Variants in KLF8 observed in about 807,000 individuals in gnomAD.
KLF8 encodes KLF transcription factor 8.
In KLF8, 10 loss-of-function variants were observed where a neutral mutation model predicts 18.2. That is an observed-to-expected ratio of 0.55 (90% CI 0.34 to 0.93). The LOEUF (loss-of-function observed/expected upper bound fraction) is 0.93, where lower values mean the gene tolerates loss of function less well. Ranked by LOEUF, KLF8 falls within the 40% of genes least tolerant of loss-of-function variation. KLF8 has a pLI of 0.02. For synonymous variants in KLF8, 109 were observed against 97.3 expected (o/e 1.12, Z -0.71); for missense variants, 264 against 277.9 (o/e 0.95, Z 0.36).
chrX:56,277,510 C>G lies in KLF8; in HGVS notation c.899-6803C>G, dbSNP rs955258347. On this transcript the variant is annotated intron_variant, in intron 5 of 5. Coordinates refer to ENST00000468660, the MANE Select transcript of KLF8 (RefSeq NM_007250.5). ...TTTTACTTTATCCCAGACAAACAGT[C>G]TCTCTCTCTGTTCTGAGCCACCTAG... Among the ~76,000 whole-genome samples, 9 of 112,176 alleles carry G rather than the reference C, an allele frequency of 8.0e-5. No individual in the cohort carries two copies. In the Admixed American group the frequency reaches 8.5e-4, roughly 11 times the overall value.
At chrX:56,175,228 G>T in the KLF8 span, among the ~76,000 whole-genome samples, 1 of 111,658 alleles carries the variant, frequency 9.0e-6, no homozygotes, top group Non-Finnish European at 1.9e-5. Flanking sequence ...TCTCTTGTGG[G>T]CATTTAGTGC....
At chrX:56,053,559 G>C in the KLF8 span, among the ~76,000 whole-genome samples, 1 of 29,148 alleles carries the variant, frequency 3.4e-5, no homozygotes, top group East Asian at 2.0e-3. Context: ...TTTTTTTTTG[G>C]GGAATAGTTT....
the KLF8 span, among the ~76,000 whole-genome samples, chrX:56,031,736 G>A: frequency 2.7e-5 from 3 of 111,241 alleles, no homozygotes; most frequent in South Asian, 3.8e-4. Flanking sequence ...GACGAGCTGC[G>A]GACAAAACCC....
the KLF8 span, among the ~76,000 whole-genome samples, chrX:56,076,396 T>A: frequency 1.9e-5 from 2 of 106,599 alleles, no homozygotes; most frequent in Admixed American, 2.0e-4. Flanking sequence ...CGGTGTTTGA[T>A]TTTTTGTTCT....
At chrX:56,144,819 G>T in the KLF8 span, among the ~76,000 whole-genome samples, 3 of 106,653 alleles carry the variant, frequency 2.8e-5, no homozygotes, top group Admixed American at 3.0e-4. Context: ...TTGAGATGGA[G>T]TCTCGCTCTG....
At chrX:56,154,690 T>G in the KLF8 span, among the ~76,000 whole-genome samples, 1 of 111,342 alleles carries the variant, frequency 9.0e-6, no homozygotes, top group African/African-American at 3.3e-5. Flanking sequence ...GGAGAAAAAT[T>G]TTGCGATGTT....
the KLF8 span, among the ~76,000 whole-genome samples, chrX:55,954,842 A>C: frequency 8.9e-6 from 1 of 112,186 alleles, no homozygotes; most frequent in African/African-American, 3.2e-5. Context: ...ACAATGGAAT[A>C]ATATTCAACA....
At chrX:56,030,259 C>T in the KLF8 span, among the ~76,000 whole-genome samples, 2 of 111,258 alleles carry the variant, frequency 1.8e-5, no homozygotes, top group East Asian at 5.6e-4. Context: ...TCATTCAGAT[C>T]CCATTGAGGG....
At chrX:56,137,407 A>T in the KLF8 span, among the ~76,000 whole-genome samples, 1 of 106,216 alleles carries the variant, frequency 9.4e-6, no homozygotes, top group East Asian at 3.0e-4. Context: ...CATATACACC[A>T]TGGAATACTA....
At chrX:56,070,621 A>G in the KLF8 span, among the ~76,000 whole-genome samples, 2 of 110,863 alleles carry the variant, frequency 1.8e-5, no homozygotes, top group Admixed American at 9.6e-5. Context: ...ATGAGAACAC[A>G]TGGACCCAGG....
intron 1 of KLF8, among the ~76,000 whole-genome samples, chrX:56,234,479 G>T (rs928761789): frequency 8.9e-6 from 1 of 112,028 alleles, no homozygotes; most frequent in Non-Finnish European, 1.9e-5. Flanking sequence ...CTATTTTTCT[G>T]GACCACTGCT....
chrX:56,202,966 T>A, the KLF8 span, among the ~76,000 whole-genome samples: 1 of 111,191 alleles, frequency 9.0e-6, no homozygotes, highest in Non-Finnish European at 1.9e-5. Context: ...CTGGATCTTA[T>A]GGTAGCTCTG....
the KLF8 span, chrX:55,961,360 A>C: frequency 1.5e-5 from 7 of 465,454 alleles, no homozygotes; most frequent in Non-Finnish European, 2.5e-5. Context: ...AGCCTTTAAG[A>C]GGGACACCGA....
chrX:56,167,734 T>C, the KLF8 span, among the ~76,000 whole-genome samples: 2 of 112,214 alleles, frequency 1.8e-5, no homozygotes, highest in Non-Finnish European at 3.8e-5. Context: ...TGTATATTTA[T>C]GTATGCTATG....
the KLF8 span, among the ~76,000 whole-genome samples, chrX:56,189,708 A>T: frequency 1.4e-4 from 15 of 109,892 alleles, no homozygotes; most frequent in East Asian, 4.0e-3. Context: ...TGATGAGTTC[A>T]TGTCCTTTGT....
the KLF8 span, among the ~76,000 whole-genome samples, chrX:56,006,072 T>C: frequency 8.9e-6 from 1 of 112,053 alleles, no homozygotes; most frequent in African/African-American, 3.2e-5. Context: ...GGTTCAACAG[T>C]CCCCTTAAGG....
chrX:56,270,750 C>A (rs2147667446), intron 5 of KLF8, among the ~76,000 whole-genome samples: 1 of 110,873 alleles, frequency 9.0e-6, no homozygotes, highest in East Asian at 2.8e-4. Context: ...ACAATTTAAA[C>A]TATGTGAAAT....
the KLF8 span, among the ~76,000 whole-genome samples, chrX:56,007,973 T>G: frequency 9.0e-6 from 1 of 110,636 alleles, no homozygotes; most frequent in African/African-American, 3.3e-5. Flanking sequence ...TGTGATTTTT[T>G]TATTAAGTTC....
chrX:55,956,937 A>G, the KLF8 span, among the ~76,000 whole-genome samples: 1 of 111,282 alleles, frequency 9.0e-6, no homozygotes, highest in African/African-American at 3.3e-5. Context: ...TTGATTTCCT[A>G]TGCTTTTGGT....
Sources: allele counts gnomAD v4.1 joint callset (sites outside exome capture counted in the v4.1 genomes callset), GRCh38; gene constraint gnomAD v4.1.1; transcripts MANE v1.5; gene names NCBI Gene and HGNC (gene_info 2026-07-23, HGNC 2026-07-21).